Variants in ADAM2 observed in about 807,000 individuals in gnomAD.
The protein encoded by ADAM2 is ADAM metallopeptidase domain 2.
A neutral mutation model predicts 99.3 loss-of-function variants in ADAM2; 101 were observed. That is an observed-to-expected ratio of 1.02 (90% confidence interval 0.87 to 1.20). The LOEUF (loss-of-function observed/expected upper bound fraction) is 1.20. ADAM2 is among the 50% of genes most tolerant of loss of function. The pLI, the probability that ADAM2 is intolerant of heterozygous loss-of-function variation, is 0.00. For missense variants in ADAM2, 948 were observed against 878.7 expected, an observed-to-expected ratio of 1.08 and a Z score of -1.00; for synonymous variants, 323 against 287.6, an observed-to-expected ratio of 1.12 and a Z score of -1.25.
intron 6 of ADAM2, among the ~76,000 whole-genome samples, chr8:39,814,703 G>A (rs934247015): frequency 3.3e-5 from 5 of 151,962 alleles, no homozygotes; most frequent in African/African-American, 4.8e-5. Context: ...GTGTGGGTGC[G>A]GGTGTCCATG....
At chr8:39,790,176 A>G (rs1262060462) in intron 7 of ADAM2, among the ~76,000 whole-genome samples, 1 of 151,920 alleles carries the variant, frequency 6.6e-6, no homozygotes, top group African/African-American at 2.4e-5. Context: ...CACAGTTCTC[A>G]TTCTTCACAC....
At chr8:39,825,460 C>T (rs558535293) in intron 3 of ADAM2, among the ~76,000 whole-genome samples, 4 of 151,618 alleles carry the variant, frequency 2.6e-5, no homozygotes, top group Admixed American at 2.6e-4. Context: ...ACTAATGCAC[C>T]CCAAGCATTA....
chr8:39,772,546 T>G (rs997167467), intron 11 of ADAM2, among the ~76,000 whole-genome samples: 1 of 152,060 alleles, frequency 6.6e-6, no homozygotes, highest in African/African-American at 2.4e-5. Flanking sequence ...CATCACACAA[T>G]TAAAAGAATG....
chr8:39,822,109 T>G (rs957583695), intron 4 of ADAM2, among the ~76,000 whole-genome samples: 12 of 152,174 alleles, frequency 7.9e-5, no homozygotes, highest in African/African-American at 2.7e-4. Flanking sequence ...ACTTTCCAAA[T>G]ACCATACTTC....
At chr8:39,802,311 G>A (rs112725703) in intron 7 of ADAM2, among the ~76,000 whole-genome samples, 2,868 of 152,256 alleles carry the variant, frequency 0.019, 97 homozygotes, top group African/African-American at 0.066. Flanking sequence ...CAGCCTTCTA[G>A]TCAATTTTGA....
intron 6 of ADAM2, among the ~76,000 whole-genome samples, chr8:39,816,985 T>C (rs1804970257): frequency 6.6e-6 from 1 of 152,194 alleles, no homozygotes; most frequent in Middle Eastern, 3.2e-3. Context: ...ACTAAAATTA[T>C]TATGTTGTAA....
intron 15 of ADAM2, among the ~76,000 whole-genome samples, chr8:39,757,379 G>A (rs1802189893): frequency 1.3e-5 from 2 of 152,154 alleles, no homozygotes; most frequent in African/African-American, 2.4e-5. Flanking sequence ...AATGGGAACT[G>A]CAGCACCAGA....
rs1472214554 is a variant in ADAM2 at position 39,744,881 on chromosome 8, A to T, written c.2187T>A (p.Ser729Arg). The change falls in exon 20 of 21, where the codon AGT becomes AGA. Residue 729 changes from serine (S) to arginine (R), a missense_variant. Physicochemically the swap from Ser to Arg is moderately radical, Grantham distance 110. Coordinates refer to ENST00000265708, the MANE Select transcript of ADAM2 (RefSeq NM_001464.5). ...EDYSSDEQPE[S>R]ESEPKG ...CAGACTACCCTTTAGGTTCACTCTC[A>T]CTTTCAGGTTGCCTGCATATTAAAA... The T allele has an allele frequency of 6.2e-7, 1 of 1,602,982 alleles. No homozygotes were observed. The highest frequency in any genetic ancestry group is 8.5e-7 in the Non-Finnish European group (1 of 1,174,426).
At chr8:39,767,611 T>C (rs1182346999) in intron 12 of ADAM2, among the ~76,000 whole-genome samples, 1 of 152,188 alleles carries the variant, frequency 6.6e-6, no homozygotes, top group Non-Finnish European at 1.5e-5. Context: ...AAAATTATAT[T>C]GCAGTGACTA....
At chr8:39,832,814 T>G (rs1050589643) in intron 3 of ADAM2, among the ~76,000 whole-genome samples, 9 of 134,220 alleles carry the variant, frequency 6.7e-5, no homozygotes, top group Admixed American at 4.5e-4. Flanking sequence ...ACCGCTTGTG[T>G]GCAAGAAAAT....
At chr8:39,781,579 G>A (rs1199059845) in intron 10 of ADAM2, among the ~76,000 whole-genome samples, 2 of 152,008 alleles carry the variant, frequency 1.3e-5, no homozygotes, top group Non-Finnish European at 2.9e-5. Flanking sequence ...TAATTTCTGT[G>A]TAGTGCACTA....
chr8:39,830,080 A>G (rs185757587), intron 3 of ADAM2, among the ~76,000 whole-genome samples: 35 of 152,318 alleles, frequency 2.3e-4, no homozygotes, highest in Non-Finnish European at 2.8e-4. Flanking sequence ...TCAGAGAGTT[A>G]CATAAATATT....
At chr8:39,764,025 G>A (rs1802469819) in intron 14 of ADAM2, among the ~76,000 whole-genome samples, 2 of 152,172 alleles carry the variant, frequency 1.3e-5, no homozygotes, top group Admixed American at 1.3e-4. Context: ...TCGACCCCCA[G>A]GTTGCCAATC....
chr8:39,750,572 CATT>C (rs1411187909), intron 16 of ADAM2, among the ~76,000 whole-genome samples: 3 of 152,078 alleles, frequency 2.0e-5, no homozygotes, highest in Non-Finnish European at 4.4e-5. Flanking sequence ...GTTAGAATGT[CATT>C]GCTGTGGTCC....
At chr8:39,769,195 G>A (rs963418427) in intron 12 of ADAM2, among the ~76,000 whole-genome samples, 197 bp downstream of exon 12, 3 of 152,156 alleles carry the variant, frequency 2.0e-5, no homozygotes, top group East Asian at 1.9e-4. Flanking sequence ...ACAAATCCAC[G>A]TAGATCCACA....
At chr8:39,771,187 G>A (rs1017895918) in intron 11 of ADAM2, among the ~76,000 whole-genome samples, 4 of 152,080 alleles carry the variant, frequency 2.6e-5, no homozygotes, top group Non-Finnish European at 5.9e-5. Context: ...TATTTCCTCT[G>A]CCTGGAAAAC....
In ADAM2 at chr8:39,766,829, A is replaced by C. The variant is rs752901540; in HGVS notation, c.1507+19T>G. The C allele has an allele frequency of 1.9e-6, 3 of 1,546,298 alleles. No individual in the cohort carries two copies. The highest frequency in any genetic ancestry group is 2.6e-6 in the Non-Finnish European group (3 of 1,139,698). ...CCAGAAAAAAACGCATATATGAGAA[A>C]TCAAATGATAATAAATACCTTTGCC... On this transcript the variant is annotated intron_variant, in intron 14 of 20. Transcript: ENST00000265708.
intron 15 of ADAM2, among the ~76,000 whole-genome samples, chr8:39,757,936 T>C (rs1465950242): frequency 6.6e-6 from 1 of 152,102 alleles, no homozygotes; most frequent in East Asian, 1.9e-4. Context: ...ATGCAGCTTA[T>C]ATAAAAAGGA....
intron 6 of ADAM2, among the ~76,000 whole-genome samples, chr8:39,815,602 G>A (rs1338887774): frequency 3.9e-5 from 6 of 152,088 alleles, no homozygotes; most frequent in Admixed American, 3.9e-4. Context: ...TAATCAACTT[G>A]GCAAGCACTT....
Sources: gnomAD v4.1 joint callset for allele counts (sites outside exome capture counted in the v4.1 genomes callset) on GRCh38, gnomAD v4.1.1 for gene constraint, MANE v1.5 for transcripts, NCBI Gene and HGNC (gene_info 2026-07-23, HGNC 2026-07-21) for gene names.